PPP4R2: variants seen among roughly 807,000 people sequenced by gnomAD.
The protein encoded by PPP4R2 is serine/threonine-protein phosphatase 4 regulatory subunit 2.
A neutral mutation model predicts 47.2 loss-of-function variants in PPP4R2; 13 were observed. That is an observed-to-expected ratio of 0.28 (90% confidence interval 0.18 to 0.44). The LOEUF (loss-of-function observed/expected upper bound fraction) is 0.44. PPP4R2 is among the 20% of genes least tolerant of loss of function. The pLI is 1.00. For missense variants in PPP4R2, 421 were observed against 491.2 expected (o/e 0.86, Z 1.35); for synonymous variants, 151 against 163.3 (o/e 0.92, Z 0.57).
chr3:73,065,356 G>A (rs1323143114), intron 8 of PPP4R2, 41 bp from the exon 9 acceptor site: 4 of 1,523,540 alleles, frequency 2.6e-6, no homozygotes, highest in African/African-American at 2.8e-5. Context: ...GAGGTATTTT[G>A]AAAATACAAT....
rs771582262 is a variant in PPP4R2 at position 73,062,450 on chromosome 3, C to T, written c.420-1223C>T. On this transcript the variant is annotated intron_variant, in intron 5 of 8. Coordinates refer to ENST00000356692, the MANE Select transcript of PPP4R2 (RefSeq NM_174907.4). ...ATAAATCTCATTTCCACCCTGTGAC[C>T]CCAAGTTTAGTATTCTTGTGTTTCA... is the stretch of plus-strand genomic sequence containing the variant. 6.2e-6 allele frequency: 10 copies of T among 1,612,040 alleles called. No individual in the cohort carries two copies. The Admixed American group carries it at 1.7e-4, about 27-fold the overall frequency.
At chr3:72,999,469 C>A (rs1227630565) in intron 2 of PPP4R2, among the ~76,000 whole-genome samples, 1 of 152,212 alleles carries the variant, frequency 6.6e-6, no homozygotes, top group Non-Finnish European at 1.5e-5. Flanking sequence ...TCAACAATGT[C>A]AAGCCAAATA....
intron 2 of PPP4R2, among the ~76,000 whole-genome samples, chr3:73,034,595 C>T (rs2107283649): frequency 1.3e-5 from 2 of 152,244 alleles, no homozygotes; most frequent in Middle Eastern, 3.4e-3. Context: ...TGCAGTGGCA[C>T]AGTCATAGCT....
intron 3 of PPP4R2, among the ~76,000 whole-genome samples, chr3:73,058,068 C>T (rs1160404651): frequency 2.0e-5 from 3 of 151,064 alleles, no homozygotes. Flanking sequence ...GCTTGTAATT[C>T]TTATGAATGC....
chr3:73,064,782 C>T (rs2107348766), intron 7 of PPP4R2, 70 bp from the exon 8 acceptor site: 1 of 1,303,170 alleles, frequency 7.7e-7, no homozygotes, highest in South Asian at 1.5e-5. Context: ...CATTATTTAA[C>T]CTTAAAAATG....
chr3:73,058,924 T>C (rs1049036201), intron 3 of PPP4R2, 113 bp from the exon 4 acceptor site: 22 of 608,090 alleles, frequency 3.6e-5, no homozygotes, highest in Non-Finnish European at 6.2e-5. Context: ...GCATTTTCTT[T>C]TGTAGCTTAA....
intron 2 of PPP4R2, among the ~76,000 whole-genome samples, chr3:73,021,789 C>T (rs1194294066): frequency 6.7e-6 from 1 of 150,264 alleles, no homozygotes; most frequent in Non-Finnish European, 1.5e-5. Flanking sequence ...GGTGAGCAAA[C>T]CACAGTATCT....
chr3:72,997,105 A>G, intron 1 of PPP4R2, 34 bp downstream of exon 1: 1 of 1,331,826 alleles, frequency 7.5e-7, no homozygotes, highest in Non-Finnish European at 9.7e-7. Flanking sequence ...ATTCCCCCTC[A>G]CCTTCTCCGG....
intron 2 of PPP4R2, among the ~76,000 whole-genome samples, chr3:73,045,481 G>A (rs1422784570): frequency 3.3e-5 from 5 of 149,832 alleles, no homozygotes; most frequent in Non-Finnish European, 5.9e-5. Flanking sequence ...GAAATGACAG[G>A]TTCACTTTAT....
chr3:73,038,628 T>C (rs956054686), intron 2 of PPP4R2, among the ~76,000 whole-genome samples: 4 of 152,294 alleles, frequency 2.6e-5, no homozygotes, highest in African/African-American at 9.6e-5. Context: ...AATCCTGACC[T>C]TGTGATCCGC....
chr3:73,014,067 C>T lies in PPP4R2; in HGVS notation c.116+15909C>T, dbSNP rs1354051141. Among the ~76,000 whole-genome samples the T allele has an allele frequency of 3.1e-5, 4 of 130,012 alleles. 1 individual carries two copies. Among genetic ancestry groups the T allele is most frequent in the African/African-American group, 1.1e-4 (4 of 37,272 alleles). 85.3% of individuals were successfully genotyped at this position (130,012 alleles called of 152,430 possible). ...CTTTGATGGTTTTTTGGGCAGTTTA[C>T]AGTTACCAACCAATTCAAACAGTGC... On this transcript the variant is annotated intron_variant, in intron 2 of 8. Coordinates refer to ENST00000356692, the MANE Select transcript of PPP4R2 (RefSeq NM_174907.4).
At chr3:72,997,613 T>C (rs1485077941) in intron 1 of PPP4R2, among the ~76,000 whole-genome samples, 1 of 152,228 alleles carries the variant, frequency 6.6e-6, no homozygotes, top group African/African-American at 2.4e-5. Flanking sequence ...GAACAGTGGC[T>C]TACAAACTTC....
intron 2 of PPP4R2, among the ~76,000 whole-genome samples, chr3:73,002,634 C>CTTTTCTTTTCT (rs1205542107): frequency 3.2e-4 from 13 of 41,166 alleles, no homozygotes; most frequent in African/African-American, 1.3e-3. Flanking sequence ...CTTTTCTTTT[C>CTTTTCTTTTCT]TTTTTTTTTT....
intron 2 of PPP4R2, among the ~76,000 whole-genome samples, chr3:73,005,938 C>G (rs1456796875): frequency 1.3e-5 from 2 of 151,846 alleles, no homozygotes; most frequent in Non-Finnish European, 2.9e-5. Context: ...CTCAGGAAAC[C>G]ATCACAACAA....
intron 2 of PPP4R2, among the ~76,000 whole-genome samples, chr3:73,019,663 C>T (rs562336809): frequency 6.6e-6 from 1 of 152,286 alleles, no homozygotes; most frequent in Admixed American, 6.5e-5. Flanking sequence ...TGTGAGCAAC[C>T]ATGCCCGGCC....
chr3:73,013,235 A>ATG (rs1701759276), intron 2 of PPP4R2, among the ~76,000 whole-genome samples: 1 of 151,856 alleles, frequency 6.6e-6, no homozygotes, highest in Non-Finnish European at 1.5e-5. Flanking sequence ...AGATGGTTAG[A>ATG]TGAACAGGTA....
Position 73,034,669 on chromosome 3 carries a change from A to G in PPP4R2, c.117-12517A>G, listed in dbSNP as rs548486888. Among the ~76,000 whole-genome samples the G allele has an allele frequency of 4.4e-4, 67 of 152,188 alleles. 1 individual carries two copies. Among genetic ancestry groups the G allele is most frequent in the African/African-American group, 1.5e-3 (64 of 41,528 alleles). The stretch of plus-strand genomic sequence containing the variant: ...TACCTCAGCCTCCCAGGTAGCTAGG[A>G]TTATAGGTACATGCCACCATGCCTG... On this transcript the variant is annotated intron_variant, in intron 2 of 8. Transcript: ENST00000356692.
At chr3:73,025,249 G>C (rs913981120) in intron 2 of PPP4R2, among the ~76,000 whole-genome samples, 1 of 152,172 alleles carries the variant, frequency 6.6e-6, no homozygotes, top group African/African-American at 2.4e-5. Context: ...GGTAAAATAT[G>C]TTAAAATTAT....
chr3:73,006,466 A>T (rs1184236590), intron 2 of PPP4R2, among the ~76,000 whole-genome samples: 1 of 152,174 alleles, frequency 6.6e-6, no homozygotes, highest in Non-Finnish European at 1.5e-5. Flanking sequence ...CTGGGATTAC[A>T]GGCGTGAGCC....
Sources: allele counts gnomAD v4.1 joint callset (sites outside exome capture counted in the v4.1 genomes callset), GRCh38; gene constraint gnomAD v4.1.1; transcripts MANE v1.5; gene names NCBI Gene and HGNC (gene_info 2026-07-23, HGNC 2026-07-21).